Variants in PRRC2C observed in about 807,000 individuals in gnomAD.
PRRC2C encodes protein PRRC2C.
In PRRC2C, 72 loss-of-function variants were observed where a neutral mutation model predicts 317.2. The ratio of observed to expected loss-of-function variants is 0.23; its 90% CI spans 0.19 to 0.28. PRRC2C has a LOEUF of 0.28. Ranked by LOEUF, PRRC2C falls within the 10% of genes least tolerant of loss-of-function variation. The pLI, the probability that PRRC2C is intolerant of heterozygous loss-of-function variation, is 1.00. For missense variants in PRRC2C, 3,074 were observed against 3,459.7 expected (o/e 0.89, Z 2.80); for synonymous variants, 1,296 against 1,205.9 (o/e 1.07, Z -1.55).
In PRRC2C at chr1:171,557,780, A is replaced by G. The variant is rs911228570; in HGVS notation, c.5668A>G (p.Ile1890Val). 3 of 1,550,006 alleles carry G rather than the reference A, an allele frequency of 1.9e-6. No homozygotes were observed. Among genetic ancestry groups the G allele is most frequent in the South Asian group, 2.4e-5 (2 of 83,974 alleles). The change falls in exon 19 of 35, where the codon ATC (isoleucine) becomes GTC (valine). Residue 1890 changes from isoleucine to valine, a missense_variant. Ile to Val is a conservative substitution (Grantham distance 29). This residue lies in a region of PRRC2C where 640 missense variants were observed against 676.1 expected (regional missense o/e 0.95). Transcript: ENST00000647382. ...PAASSPAAPVITAPTIPASAP... is the reference protein window; with the variant it reads ...PAASSPAAPVVTAPTIPASAP... The stretch of plus-strand genomic sequence containing the variant: ...AGCCTCTTCCCCAGCTGCCCCAGTC[A>G]TCACAGCACCAACTATCCCAGCCTC...
intron 10 of PRRC2C, 59 bp downstream of exon 10, chr1:171,525,024 T>C: frequency 7.6e-7 from 1 of 1,319,568 alleles, no homozygotes; most frequent in Admixed American, 2.8e-5. Context: ...GTAATTACTG[T>C]GTAATACTAT....
At chr1:171,527,471 T>A (rs115392857) in intron 10 of PRRC2C, among the ~76,000 whole-genome samples, 2,681 of 152,194 alleles carry the variant, frequency 0.018, 32 homozygotes, top group Middle Eastern at 0.031. Context: ...TAAGTAATTC[T>A]TTCAAGCTGG....
chr1:171,587,404 T>TA (rs1650293424), intron 31 of PRRC2C, among the ~76,000 whole-genome samples, 183 bp downstream of exon 31: 1 of 152,256 alleles, frequency 6.6e-6, no homozygotes, highest in African/African-American at 2.4e-5. Context: ...ATCTAGTTTT[T>TA]ACCTAATAAC....
At chr1:171,545,908 A>C (rs1679033660) in intron 17 of PRRC2C, among the ~76,000 whole-genome samples, 1 of 152,150 alleles carries the variant, frequency 6.6e-6, no homozygotes, top group South Asian at 2.1e-4. Flanking sequence ...TGCTTAATAA[A>C]ATTTTTGTTA....
intron 1 of PRRC2C, 167 bp from the exon 2 acceptor site, chr1:171,511,865 T>C: frequency 2.6e-6 from 1 of 380,704 alleles, no homozygotes; most frequent in African/African-American, 2.1e-5. Context: ...CACAAGTGCA[T>C]GATAGCTTAT....
At chr1:171,516,998 G>A (rs1571719294) in intron 5 of PRRC2C, among the ~76,000 whole-genome samples, 1 of 152,252 alleles carries the variant, frequency 6.6e-6, no homozygotes, top group East Asian at 1.9e-4. Flanking sequence ...TTGTGAGAAG[G>A]GACTACACTT....
Position 171,527,422 on chromosome 1 carries a change from C to T in PRRC2C, c.1201-369C>T, listed in dbSNP as rs1029856511. On this transcript the variant is annotated intron_variant, in intron 10 of 34. Transcript: ENST00000647382. ...TGCTGGGATTACACGTGTGAATCACCGCACCCAGCAGATATATTTTTTCTT... is the reference window on the plus strand; with the variant it reads ...TGCTGGGATTACACGTGTGAATCACTGCACCCAGCAGATATATTTTTTCTT... Among the ~76,000 whole-genome samples, 7 of 152,136 alleles carry T rather than the reference C, an allele frequency of 4.6e-5. No individual in the cohort carries two copies. The South Asian group carries it at 8.3e-4, about 18-fold the overall frequency.
chr1:171,559,141 A>G (rs979786131), intron 19 of PRRC2C, among the ~76,000 whole-genome samples: 8 of 152,252 alleles, frequency 5.3e-5, no homozygotes, highest in Non-Finnish European at 8.8e-5. Context: ...AACCACCTCT[A>G]TCACATTAAA....
chr1:171,504,984 G>A (rs975016408), intron 1 of PRRC2C, among the ~76,000 whole-genome samples: 2 of 151,640 alleles, frequency 1.3e-5, no homozygotes, highest in Non-Finnish European at 1.5e-5. Flanking sequence ...TCAATGTGTA[G>A]GTCTTACGTA....
At chr1:171,576,668 GGTTA>G (rs1443529749) in intron 25 of PRRC2C, among the ~76,000 whole-genome samples, 4 of 151,918 alleles carry the variant, frequency 2.6e-5, no homozygotes, top group South Asian at 4.2e-4. Flanking sequence ...TTTGTTTCTT[GGTTA>G]GTTGTTTTTG....
intron 1 of PRRC2C, among the ~76,000 whole-genome samples, chr1:171,500,702 G>C (rs1351140443): frequency 1.3e-5 from 2 of 152,110 alleles, no homozygotes; most frequent in Non-Finnish European, 2.9e-5. Context: ...ATTTTAAAAG[G>C]TTAATGTATA....
chr1:171,513,826 A>G (rs569734840), intron 3 of PRRC2C, among the ~76,000 whole-genome samples: 1 of 152,354 alleles, frequency 6.6e-6, no homozygotes, highest in South Asian at 2.1e-4. Context: ...AGATTTATAT[A>G]GTAAATTTGA....
Position 171,568,354 on chromosome 1 carries a change from T to G in PRRC2C, c.6651+15T>G. ...TGGTTAATAATGTAAGTAATCAGTT[T>G]GAGATGTGGCAAGTTTGGATTGGAA... On this transcript the variant is annotated intron_variant, in intron 23 of 34. Transcript: ENST00000647382. 1 of 1,584,414 alleles carries G rather than the reference T, an allele frequency of 6.3e-7. No individual in the cohort carries two copies. The highest frequency in any genetic ancestry group is 8.6e-7 in the Non-Finnish European group (1 of 1,163,414).
In PRRC2C at chr1:171,566,707, A is replaced by G. The variant is rs1683726778; in HGVS notation, c.6422A>G (p.Gln2141Arg). The G allele has an allele frequency of 3.7e-6, 6 of 1,613,594 alleles. No individual in the cohort carries two copies. The highest frequency in any genetic ancestry group is 2.2e-5 in the East Asian group (1 of 44,876). The change falls in exon 22 of 35, where the codon CAA becomes CGA. Residue 2141 changes from glutamine to arginine, a missense_variant. Coordinates refer to ENST00000647382, the MANE Select transcript of PRRC2C (RefSeq NM_001387844.1). Reference protein sequence around the residue: ...KDAQQVEPEGQEKPSPATVRS... With the variant: ...KDAQQVEPEGREKPSPATVRS... ...GCCCAACAGGTGGAGCCAGAAGGAC[A>G]AGAGAAACCAAGCCCAGCTACAGTC...
chr1:171,523,662 G>C, intron 9 of PRRC2C, 140 bp downstream of exon 9: 1 of 765,006 alleles, frequency 1.3e-6, no homozygotes, highest in East Asian at 2.7e-5. Context: ...ACTGAATAGA[G>C]GGTGCTTAAT....
chr1:171,571,320 G>A lies in PRRC2C; in HGVS notation c.6652G>A (p.Val2218Met). 6.3e-7 allele frequency: 1 copy of A among 1,589,534 alleles called. No individual in the cohort carries two copies. Among genetic ancestry groups the A allele is most frequent in the African/African-American group, 1.3e-5 (1 of 74,458 alleles). The stretch of plus-strand genomic sequence containing the variant: ...TGATATGTGTTGCCTACCTTTTCAG[G>A]TGCCCCTGCCCAACACCCTTCCCCT... ...TKMEDTLVNN[V>M]PLPNTLPLPK... Residue 2218 changes from valine (V) to methionine (M), a missense_variant and splice_region_variant, in exon 24 of 35, where the codon GTG (valine) becomes ATG (methionine). Val to Met is a conservative substitution (Grantham distance 21). Around this residue, in one of 11 missense-constraint regions of PRRC2C, gnomAD observed 640 missense variants for 676.1 expected, o/e 0.95. Transcript: ENST00000647382.
intron 1 of PRRC2C, chr1:171,511,176 A>C (rs1354270261): frequency 6.9e-6 from 1 of 145,520 alleles, no homozygotes; most frequent in African/African-American, 2.6e-5. Flanking sequence ...CTTCTACCCT[A>C]CTGCTACAAT....
At chr1:171,538,272 GC>G (rs1677245260) in intron 15 of PRRC2C, among the ~76,000 whole-genome samples, 1 of 152,212 alleles carries the variant, frequency 6.6e-6, no homozygotes, top group African/African-American at 2.4e-5. Flanking sequence ...ATCGTGTGCA[GC>G]CACTTGGGAT....
chr1:171,557,643 C>G lies in PRRC2C; in HGVS notation c.5531C>G (p.Pro1844Arg). ...CCAGCCTCAGCCCCAGCTCCAACCC[C>G]CATCCTTGCCTCAGTTTCAACCCCA... The part of the protein sequence containing the change: ...SAPASAPAPT[P>R]ILASVSTPAS... The change falls in exon 19 of 35, where the codon CCC becomes CGC. Residue 1844 changes from proline to arginine, a missense_variant. By Grantham distance (103) the Pro-to-Arg change is moderately radical (BLOSUM62 -2). Transcript: ENST00000647382. 1 of 1,551,626 alleles carries G rather than the reference C, an allele frequency of 6.4e-7. No individual in the cohort carries two copies. The highest frequency in any genetic ancestry group is 8.7e-7 in the Non-Finnish European group (1 of 1,146,984).
Sources: gnomAD v4.1 joint callset for allele counts (sites outside exome capture counted in the v4.1 genomes callset) on GRCh38, gnomAD v4.1.1 for gene constraint, gnomAD v4.1.1 regional missense constraint, MANE v1.5 for transcripts, NCBI Gene and HGNC (gene_info 2026-07-23, HGNC 2026-07-21) for gene names.